Variants in CERS4 observed in about 807,000 individuals in gnomAD.
The protein encoded by CERS4 is ceramide synthase 4.
Under a neutral mutation model 51.8 loss-of-function variants are expected in CERS4, and 65 were observed. The ratio of observed to expected loss-of-function variants is 1.26; its 90% CI spans 1.03 to 1.54. The LOEUF (loss-of-function observed/expected upper bound fraction) is 1.54. Among genes scored for constraint, CERS4 ranks in the 40% most tolerant of loss-of-function variants. CERS4 has a pLI of 0.00. For missense variants in CERS4, 563 were observed against 500.4 expected (o/e 1.13, Z -1.19); for synonymous variants, 228 against 208.4 (o/e 1.09, Z -0.81).
Position 8,256,015 on chromosome 19 carries a change from G to T in CERS4, c.468+136G>T, listed in dbSNP as rs567785573. 2.0e-4 allele frequency: 212 copies of T among 1,039,874 alleles called. No homozygotes were observed. In the East Asian group the frequency reaches 5.2e-3, roughly 26 times the overall value. The allele number at this position is 1,039,874 out of a possible 1,614,324, so 64.4% of individuals were successfully genotyped here. On this transcript the variant is annotated intron_variant, in intron 6 of 11. Transcript: ENST00000251363. ...AGGAGAGAGCGAGCTTTGCAAGATG[G>T]TGGTGAATGTTCACTCAACAGGTAT... is the stretch of plus-strand genomic sequence containing the variant.
At chr19:8,214,883 T>G (rs1967225526) in intron 2 of CERS4, among the ~76,000 whole-genome samples, 2 of 137,996 alleles carry the variant, frequency 1.4e-5, no homozygotes, top group Admixed American at 7.7e-5. Context: ...GCAGAGGAGA[T>G]GAAGGGCAGT....
rs541115981 is a variant in CERS4 at position 8,254,212 on chromosome 19, A to G, written c.174-287A>G. Among the ~76,000 whole-genome samples, 25 of 146,366 alleles carry G rather than the reference A, an allele frequency of 1.7e-4. 1 individual carries two copies. The East Asian group carries it at 5.2e-3, about 30-fold the overall frequency. On this transcript the variant is annotated intron_variant, in intron 3 of 11. Coordinates refer to ENST00000251363, the MANE Select transcript of CERS4 (RefSeq NM_024552.3). ...GTGGCGGGCGCCTGCAGTCCCAGCT[A>G]CTCGGGAGGCTGAGGCAGGAGAATG...
chr19:8,253,715 C>CA (rs1969214540), intron 3 of CERS4, among the ~76,000 whole-genome samples: 2 of 151,934 alleles, frequency 1.3e-5, no homozygotes, highest in African/African-American at 4.8e-5. Context: ...CTCAACCTCC[C>CA]GAGTAGCTGG....
chr19:8,223,972 C>G (rs117917949), intron 2 of CERS4, among the ~76,000 whole-genome samples: 3,437 of 150,900 alleles, frequency 0.023, 191 homozygotes, highest in East Asian at 0.19. Context: ...CATCATGGTG[C>G]GTGTCTGTAG....
intron 2 of CERS4, among the ~76,000 whole-genome samples, chr19:8,243,502 CT>C: frequency 6.6e-6 from 1 of 152,328 alleles, no homozygotes; most frequent in South Asian, 2.1e-4. Flanking sequence ...ACACCCTTGA[CT>C]GCTTGTTGGG....
intron 2 of CERS4, among the ~76,000 whole-genome samples, chr19:8,249,285 G>A (rs892289800): frequency 2.0e-5 from 3 of 152,080 alleles, no homozygotes; most frequent in Admixed American, 6.6e-5. Flanking sequence ...AGATGGACAG[G>A]GGGATGCGTG....
intron 2 of CERS4, among the ~76,000 whole-genome samples, chr19:8,232,609 A>T (rs1474455758): frequency 2.0e-5 from 3 of 151,934 alleles, no homozygotes; most frequent in Admixed American, 2.0e-4. Context: ...TTCTACAATG[A>T]TGGAAATGTT....
At chr19:8,261,570 C>T in intron 10 of CERS4, 118 bp from the exon 11 acceptor site, 2 of 1,154,382 alleles carry the variant, frequency 1.7e-6, no homozygotes, top group South Asian at 2.8e-5. Flanking sequence ...GGGTGGGGGG[C>T]ACTAGGGAGC....
chr19:8,254,942 G>C (rs1252889106), intron 4 of CERS4, among the ~76,000 whole-genome samples: 3 of 152,138 alleles, frequency 2.0e-5, no homozygotes, highest in African/African-American at 7.2e-5. Flanking sequence ...AGCCTTAGTG[G>C]GCACAGTTGC....
chr19:8,255,691 C>A lies in CERS4; in HGVS notation c.376C>A (p.Arg126=). 6.2e-7 allele frequency: 1 copy of A among 1,612,982 alleles called. No homozygotes were observed. Among genetic ancestry groups the A allele is most frequent in the Non-Finnish European group, 8.5e-7 (1 of 1,179,740 alleles). ...RWFRRRRNQD[R]PQLTKKFCEA... ...GTTCCGGAGACGCCGGAACCAGGATCGACCCCAGCTGACCAAGAAGTTCTG... is the reference window on the plus strand; with the variant it reads ...GTTCCGGAGACGCCGGAACCAGGATAGACCCCAGCTGACCAAGAAGTTCTG... The change falls in exon 5 of 12, where the codon CGA becomes AGA. Residue 126 remains arginine (R), a synonymous_variant. Transcript: ENST00000251363.
At chr19:8,231,854 T>G (rs1331979791) in intron 2 of CERS4, among the ~76,000 whole-genome samples, 3 of 38,626 alleles carry the variant, frequency 7.8e-5, no homozygotes, top group Non-Finnish European at 2.1e-4. Context: ...GCCCAGCATT[T>G]TTTTTTTTTT....
chr19:8,238,999 G>C (rs1051425031), intron 2 of CERS4, among the ~76,000 whole-genome samples: 5 of 152,062 alleles, frequency 3.3e-5, no homozygotes, highest in African/African-American at 1.2e-4. Flanking sequence ...TGCTTGGAAG[G>C]CTGAGGCGGG....
At chr19:8,219,302 A>G (rs549716785) in intron 2 of CERS4, among the ~76,000 whole-genome samples, 106 of 152,254 alleles carry the variant, frequency 7.0e-4, no homozygotes, top group African/African-American at 2.4e-3. Context: ...ACAGTTTGCT[A>G]CTGTCTCAAC....
intron 2 of CERS4, among the ~76,000 whole-genome samples, chr19:8,228,064 G>A (rs551617377): frequency 2.0e-5 from 3 of 152,192 alleles, no homozygotes; most frequent in East Asian, 3.9e-4. Context: ...GTTTCACCAT[G>A]TTGGCCAGGA....
intron 2 of CERS4, among the ~76,000 whole-genome samples, chr19:8,237,705 G>T (rs1031462734): frequency 6.6e-6 from 1 of 152,066 alleles, no homozygotes; most frequent in East Asian, 1.9e-4. Flanking sequence ...AAAAAAATTA[G>T]CCGGGCGTGG....
chr19:8,216,393 AAAG>A (rs1967301863), intron 2 of CERS4, among the ~76,000 whole-genome samples: 1 of 151,554 alleles, frequency 6.6e-6, no homozygotes, highest in Non-Finnish European at 1.5e-5. Flanking sequence ...AAAAAAAAAA[AAAG>A]AAAATTACAG....
chr19:8,245,137 A>AAAAAAAAACAAAAAAAAAAAAACC (rs1968724260), intron 2 of CERS4, among the ~76,000 whole-genome samples: 3 of 134,028 alleles, frequency 2.2e-5, no homozygotes, highest in South Asian at 2.3e-4. Context: ...AAAAAAAAAC[A>AAAAAAAAACAAAAAAAAAAAAACC]CTCTTGGCTT....
chr19:8,225,432 T>G (rs1201027081), intron 2 of CERS4, among the ~76,000 whole-genome samples: 2 of 150,590 alleles, frequency 1.3e-5, no homozygotes, highest in African/African-American at 4.9e-5. Context: ...TTTTTTTTTT[T>G]TTTTTGAGAC....
intron 6 of CERS4, 78 bp downstream of exon 6, chr19:8,255,957 A>G (rs1170945837): frequency 4.1e-6 from 6 of 1,477,200 alleles, no homozygotes; most frequent in Non-Finnish European, 5.7e-6. Flanking sequence ...GGGGGTGTGG[A>G]GTGGTGCAGC....
Sources: allele counts gnomAD v4.1 joint callset (sites outside exome capture counted in the v4.1 genomes callset), GRCh38; gene constraint gnomAD v4.1.1; transcripts MANE v1.5; gene names NCBI Gene and HGNC (gene_info 2026-07-23, HGNC 2026-07-21).